SEMA3A: variants seen among roughly 807,000 people sequenced by gnomAD.
The protein encoded by SEMA3A is semaphorin-3A.
Under a neutral mutation model 97.9 loss-of-function variants are expected in SEMA3A, and 29 were observed. That is an observed-to-expected ratio of 0.30 (90% CI 0.22 to 0.40). The LOEUF (loss-of-function observed/expected upper bound fraction) is 0.40. Ranked by LOEUF, SEMA3A falls within the 10% of genes least tolerant of loss-of-function variation. The pLI is 1.00. For synonymous variants in SEMA3A, 321 were observed against 323.7 expected (o/e 0.99, Z 0.09); for missense variants, 763 against 951.3 (o/e 0.80, Z 2.60).
intron 2 of SEMA3A, among the ~76,000 whole-genome samples, chr7:84,340,797 A>AC (rs369456083): frequency 0.3 from 42,812 of 144,726 alleles, 6,693 homozygotes; most frequent in Admixed American, 0.35. Context: ...AAAAAAAAAA[A>AC]ATCAAAATAA....
intron 1 of SEMA3A, among the ~76,000 whole-genome samples, chr7:84,425,164 T>C (rs1156557199): frequency 5.4e-5 from 6 of 111,752 alleles, no homozygotes; most frequent in African/African-American, 1.8e-4. Context: ...ATATTATAAA[T>C]ATTAAATATA....
chr7:84,077,217 T>C (rs1399471402), intron 4 of SEMA3A, among the ~76,000 whole-genome samples: 1 of 152,092 alleles, frequency 6.6e-6, no homozygotes, highest in Non-Finnish European at 1.5e-5. Context: ...AGTAAAGTAA[T>C]AGAACAATTG....
chr7:84,051,876 A>T (rs1321111123), intron 5 of SEMA3A, among the ~76,000 whole-genome samples: 1 of 150,710 alleles, frequency 6.6e-6, no homozygotes, highest in Admixed American at 6.6e-5. Context: ...TTATTTTGAA[A>T]TACGTCCCAT....
At chr7:84,205,812 A>C (rs1798479507) in intron 3 of SEMA3A, among the ~76,000 whole-genome samples, 1 of 152,216 alleles carries the variant, frequency 6.6e-6, no homozygotes, top group Non-Finnish European at 1.5e-5. Flanking sequence ...TACTGTTTCA[A>C]ATGTATTCAA....
At chr7:84,142,738 A>G (rs1796328951) in intron 1 of SEMA3A, among the ~76,000 whole-genome samples, 1 of 152,166 alleles carries the variant, frequency 6.6e-6, no homozygotes, top group African/African-American at 2.4e-5. Context: ...GGCTTTCACC[A>G]CTAGCAGTAT....
intron 2 of SEMA3A, chr7:84,307,438 A>C (rs929068315): frequency 1.3e-5 from 2 of 152,186 alleles, no homozygotes; most frequent in African/African-American, 2.4e-5. Context: ...TAATGTATGA[A>C]GGTAAAGGAA....
intron 6 of SEMA3A, among the ~76,000 whole-genome samples, chr7:84,029,963 T>C (rs1791682900): frequency 6.6e-6 from 1 of 152,136 alleles, no homozygotes; most frequent in Non-Finnish European, 1.5e-5. Context: ...ATCGTCTTTT[T>C]ACATTGTCAA....
intron 1 of SEMA3A, among the ~76,000 whole-genome samples, chr7:84,150,257 C>G (rs1048459265): frequency 1.3e-5 from 2 of 152,196 alleles, no homozygotes; most frequent in Non-Finnish European, 2.9e-5. Flanking sequence ...CGAACAGGAA[C>G]AGCTCCAGTC....
At chr7:84,049,933 C>T (rs899978119) in intron 5 of SEMA3A, among the ~76,000 whole-genome samples, 4 of 142,854 alleles carry the variant, frequency 2.8e-5, no homozygotes, top group African/African-American at 1.0e-4. Context: ...TCTCATTGTT[C>T]AATTCCCACC....
intron 4 of SEMA3A, 61 bp from the exon 5 acceptor site, chr7:84,060,619 A>T (rs1323393172): frequency 9.5e-7 from 1 of 1,053,746 alleles, no homozygotes; most frequent in Non-Finnish European, 1.4e-6. Context: ...GAGTGTTTTC[A>T]ACACATCAGT....
At position 84,313,348 on chromosome 7, in the gene SEMA3A, G is replaced by A. The variant is rs1465911219; in HGVS notation, c.-168-6056C>T. Among the ~76,000 whole-genome samples the A allele has an allele frequency of 3.1e-4, 5 of 15,888 alleles. No homozygotes were observed. In the East Asian group the frequency reaches 0.01, roughly 33 times the overall value. The allele number at this position is 15,888 out of a possible 152,430, so 10.4% of individuals were successfully genotyped here. On this transcript the variant is annotated intron_variant, in intron 2 of 3. Transcript: ENST00000424555. Reference sequence around the variant, plus strand: ...ATAATACATATATATATATGTATATGTGTGTGTGTATATATATATATATAT... The same window carrying A: ...ATAATACATATATATATATGTATATATGTGTGTGTATATATATATATATAT...
At chr7:84,266,858 T>C (rs147197206) in intron 3 of SEMA3A, among the ~76,000 whole-genome samples, 17 of 152,296 alleles carry the variant, frequency 1.1e-4, no homozygotes, top group African/African-American at 4.1e-4. Flanking sequence ...TATCAAATTA[T>C]AGTTACAGAT....
At chr7:84,394,764 G>GA (rs963637424) in intron 1 of SEMA3A, among the ~76,000 whole-genome samples, 1 of 152,078 alleles carries the variant, frequency 6.6e-6, no homozygotes, top group Admixed American at 6.6e-5. Flanking sequence ...GCAATTAGTA[G>GA]AAAAAACTGA....
At chr7:84,020,031 CTTTCTTT>C (rs1234947875) in intron 6 of SEMA3A, among the ~76,000 whole-genome samples, 21 of 68,526 alleles carry the variant, frequency 3.1e-4, no homozygotes, top group South Asian at 2.6e-3. Context: ...TGATTTTTTT[CTTTCTTT>C]TTTTTTTTTT....
intron 1 of SEMA3A, among the ~76,000 whole-genome samples, chr7:84,433,496 T>C (rs1424386258): frequency 6.6e-6 from 1 of 152,198 alleles, no homozygotes; most frequent in Non-Finnish European, 1.5e-5. Context: ...TTTGGGTTCG[T>C]TCCAAGTCTT....
rs534371811 is a variant in SEMA3A, at chr7:84,041,482, G to A, written c.667+4842C>T. ...TGAGGAAACAAAACTACTAAGTTGTGTTTAGGTATAGACATAACTATTATT... is the reference window on the plus strand; with the variant it reads ...TGAGGAAACAAAACTACTAAGTTGTATTTAGGTATAGACATAACTATTATT... On this transcript the variant is annotated intron_variant, in intron 6 of 16. Transcript: ENST00000265362. 3.9e-5 allele frequency among the ~76,000 whole-genome samples: 6 copies of A among 152,124 alleles called. No individual in the cohort carries two copies. The South Asian group carries it at 1.2e-3, about 32-fold the overall frequency.
At chr7:84,250,202 A>T (rs1799573935) in intron 3 of SEMA3A, among the ~76,000 whole-genome samples, 2 of 152,064 alleles carry the variant, frequency 1.3e-5, no homozygotes, top group African/African-American at 4.8e-5. Context: ...TTTCTTATGT[A>T]TCACTTTATT....
At chr7:84,469,304 T>C (rs1184186570) in intron 1 of SEMA3A, among the ~76,000 whole-genome samples, 1 of 152,158 alleles carries the variant, frequency 6.6e-6, no homozygotes, top group African/African-American at 2.4e-5. Context: ...TTTTTAGTCA[T>C]GGACCTTCAC....
At chr7:84,365,221 G>A (rs1275692321) in intron 2 of SEMA3A, among the ~76,000 whole-genome samples, 1 of 151,518 alleles carries the variant, frequency 6.6e-6, no homozygotes, top group Admixed American at 6.6e-5. Flanking sequence ...CTACGTGCCA[G>A]AGAGAACATT....
Sources: allele counts gnomAD v4.1 joint callset (sites outside exome capture counted in the v4.1 genomes callset), GRCh38; gene constraint gnomAD v4.1.1; transcripts MANE v1.5; gene names NCBI Gene and HGNC (gene_info 2026-07-23, HGNC 2026-07-21).